NCALD: variants seen among roughly 807,000 people sequenced by gnomAD.
NCALD encodes the protein neurocalcin delta.
NCALD carries 10 observed loss-of-function variants against 18.6 expected under a neutral mutation model. That is an observed-to-expected ratio of 0.54 (90% CI 0.33 to 0.91). The LOEUF (loss-of-function observed/expected upper bound fraction) is 0.91. NCALD is among the 40% of genes least tolerant of loss of function. NCALD has a pLI of 0.03. For synonymous variants in NCALD, 88 were observed against 87.4 expected (o/e 1.01, Z -0.04); for missense variants, 184 against 247.6 (o/e 0.74, Z 1.72).
rs553235075 is a variant in NCALD at position 101,990,062 on chromosome 8, G to A, written c.-157+30175C>T. On this transcript the variant is annotated intron_variant, in intron 2 of 6. Transcript: ENST00000311028. ...CTTGCCACATCCCCTGGTAGAATTC[G>A]TCCTGGTTTTTTATTTAAGAAACTT... 3.9e-5 allele frequency among the ~76,000 whole-genome samples: 6 copies of A among 152,190 alleles called. No individual in the cohort carries two copies. In the East Asian group the frequency reaches 5.8e-4, roughly 15 times the overall value.
chr8:101,933,343 G>C (rs956074387), intron 2 of NCALD, among the ~76,000 whole-genome samples: 1 of 152,212 alleles, frequency 6.6e-6, no homozygotes, highest in Non-Finnish European at 1.5e-5. Context: ...CTGGGATGAT[G>C]GAAGCGGAGA....
chr8:102,026,748 C>T (rs891412294), intron 1 of NCALD, among the ~76,000 whole-genome samples: 4 of 152,276 alleles, frequency 2.6e-5, no homozygotes, highest in African/African-American at 9.6e-5. Flanking sequence ...GAGGCTCTGA[C>T]CCCACATTTC....
chr8:102,021,149 G>A (rs1422375335), intron 1 of NCALD, among the ~76,000 whole-genome samples: 1 of 152,186 alleles, frequency 6.6e-6, no homozygotes, highest in Non-Finnish European at 1.5e-5. Flanking sequence ...TAAGTTCACA[G>A]ATCATGTCTG....
At chr8:101,891,643 C>A (rs898427868) in intron 3 of NCALD, among the ~76,000 whole-genome samples, 1 of 152,310 alleles carries the variant, frequency 6.6e-6, no homozygotes, top group East Asian at 1.9e-4. Context: ...TGGGCGCAGG[C>A]CAGTGGGTGC....
chr8:102,046,708 A>T (rs1277053193), intron 1 of NCALD, among the ~76,000 whole-genome samples: 3 of 151,516 alleles, frequency 2.0e-5, no homozygotes, highest in Non-Finnish European at 4.4e-5. Flanking sequence ...TTTGCCATCC[A>T]TCTCAAGCAA....
chr8:101,761,211 C>T (rs1350332751), intron 1 of NCALD, among the ~76,000 whole-genome samples: 7 of 152,180 alleles, frequency 4.6e-5, no homozygotes. Context: ...GCCATGAAAA[C>T]ACACTTAGCT....
At chr8:102,068,424 C>A (rs1172423372) in intron 1 of NCALD, among the ~76,000 whole-genome samples, 2 of 152,196 alleles carry the variant, frequency 1.3e-5, no homozygotes, top group East Asian at 1.9e-4. Context: ...ACGCTCTATC[C>A]CACCTCACGG....
chr8:101,837,090 C>T (rs1015418926), intron 4 of NCALD, among the ~76,000 whole-genome samples: 6 of 152,304 alleles, frequency 3.9e-5, no homozygotes, highest in African/African-American at 1.2e-4. Flanking sequence ...ATTCTTCTTC[C>T]TGCTCTCAGA....
intron 3 of NCALD, among the ~76,000 whole-genome samples, chr8:101,887,548 T>A (rs1042310288): frequency 6.6e-6 from 1 of 152,062 alleles, no homozygotes; most frequent in African/African-American, 2.4e-5. Context: ...CTGGGTAACA[T>A]TCAGGCCTTA....
At chr8:102,027,998 CAAGAT>C (rs547772696) in intron 1 of NCALD, among the ~76,000 whole-genome samples, 30 of 152,226 alleles carry the variant, frequency 2.0e-4, no homozygotes, top group African/African-American at 7.2e-4. Context: ...AACTGTAATT[CAAGAT>C]AAGATTTGGA....
At chr8:102,087,601 G>T (rs1473221583) in intron 1 of NCALD, among the ~76,000 whole-genome samples, 1 of 152,180 alleles carries the variant, frequency 6.6e-6, no homozygotes, top group Non-Finnish European at 1.5e-5. Flanking sequence ...TAGAGGGTCA[G>T]TAAAGTTGCT....
intron 1 of NCALD, among the ~76,000 whole-genome samples, chr8:101,731,756 A>G (rs1046697297): frequency 6.6e-6 from 1 of 152,102 alleles, no homozygotes; most frequent in Non-Finnish European, 1.5e-5. Flanking sequence ...AGCTACTCCA[A>G]GTCCATCTAA....
intron 4 of NCALD, among the ~76,000 whole-genome samples, chr8:101,882,421 AC>A (rs1023702867): frequency 6.6e-6 from 1 of 152,162 alleles, no homozygotes; most frequent in Non-Finnish European, 1.5e-5. Context: ...GCGAGAAGGC[AC>A]CATCTACGAA....
At chr8:101,754,225 T>C (rs1810778381) in intron 1 of NCALD, among the ~76,000 whole-genome samples, 1 of 152,210 alleles carries the variant, frequency 6.6e-6, no homozygotes, top group South Asian at 2.1e-4. Flanking sequence ...CATTTAGCTA[T>C]CATTTCTTGG....
At chr8:101,951,658 C>T (rs957156065) in intron 2 of NCALD, among the ~76,000 whole-genome samples, 1 of 152,216 alleles carries the variant, frequency 6.6e-6, no homozygotes, top group African/African-American at 2.4e-5. Flanking sequence ...CTCCCAGTGC[C>T]TGGTACTCAG....
At chr8:101,890,224 A>G (rs568253378) in intron 3 of NCALD, among the ~76,000 whole-genome samples, 33 of 152,352 alleles carry the variant, frequency 2.2e-4, no homozygotes, top group Non-Finnish European at 4.3e-4. Context: ...CACATCACAG[A>G]AGAGAAAAAC....
At chr8:102,018,417 A>G (rs1822162234) in intron 2 of NCALD, among the ~76,000 whole-genome samples, 1 of 152,198 alleles carries the variant, frequency 6.6e-6, no homozygotes. Flanking sequence ...CAACAATACA[A>G]AGGAACTAAC....
chr8:101,965,415 C>T (rs1028896999), intron 2 of NCALD, among the ~76,000 whole-genome samples: 5 of 152,118 alleles, frequency 3.3e-5, no homozygotes, highest in Non-Finnish European at 7.4e-5. Flanking sequence ...ACATATATAC[C>T]ATGGAATACT....
chr8:101,798,249 A>G (rs1428317595), intron 4 of NCALD, among the ~76,000 whole-genome samples: 1 of 152,212 alleles, frequency 6.6e-6, no homozygotes, highest in African/African-American at 2.4e-5. Flanking sequence ...TTATCTATAT[A>G]GGAAACCCCA....
Sources: gnomAD v4.1 joint callset for allele counts (sites outside exome capture counted in the v4.1 genomes callset) on GRCh38, gnomAD v4.1.1 for gene constraint, MANE v1.5 for transcripts, NCBI Gene and HGNC (gene_info 2026-07-23, HGNC 2026-07-21) for gene names.